Variants in TMEM65 observed in about 807,000 individuals in gnomAD.
The protein encoded by TMEM65 is transmembrane protein 65.
Under a neutral mutation model 25.4 loss-of-function variants are expected in TMEM65, and 22 were observed. The ratio of observed to expected loss-of-function variants is 0.86; its 90% CI spans 0.62 to 1.23. The LOEUF (loss-of-function observed/expected upper bound fraction) is 1.23. Ranked by LOEUF, TMEM65 falls within the 50% of genes most tolerant of loss-of-function variation. TMEM65 has a pLI of 0.00. For synonymous variants in TMEM65, 132 were observed against 126.2 expected, an observed-to-expected ratio of 1.05 and a Z score of -0.31; for missense variants, 262 against 308.2, an observed-to-expected ratio of 0.85 and a Z score of 1.12.
At chr8:124,369,925 A>G (rs963409303) in intron 1 of TMEM65, among the ~76,000 whole-genome samples, 4 of 152,078 alleles carry the variant, frequency 2.6e-5, no homozygotes, top group Admixed American at 1.3e-4. Context: ...GATGTTCTTT[A>G]GCATATAAAG....
chr8:124,346,701 T>C (rs1814644238), intron 1 of TMEM65, among the ~76,000 whole-genome samples: 1 of 152,144 alleles, frequency 6.6e-6, no homozygotes, highest in Admixed American at 6.6e-5. Flanking sequence ...CACCTAATAT[T>C]TATTCCAAAC....
chr8:124,372,416 A>C lies in TMEM65; in HGVS notation c.-259T>G. On this transcript the variant is annotated 5_prime_UTR_variant, in exon 1 of 7. Transcript: ENST00000297632. The stretch of plus-strand genomic sequence containing the variant: ...TTCTCTGAGACGGCCGGGCCCGGAC[A>C]GCGCCCGGAGAGGGCGGGCGGTCGG... 5.9e-6 allele frequency: 1 copy of C among 169,766 alleles called. No individual in the cohort carries two copies. The highest frequency in any genetic ancestry group is 1.2e-5 in the Non-Finnish European group (1 of 81,152). The allele number at this position is 169,766 out of a possible 1,614,324, so 10.5% of individuals were successfully genotyped here. A position where few individuals can be genotyped will look rare whatever the true frequency, so the allele number is the denominator to read the frequency against.
intron 1 of TMEM65, among the ~76,000 whole-genome samples, chr8:124,362,670 A>AAAAAAAAAAG (rs1814884133): frequency 6.6e-6 from 1 of 151,452 alleles, no homozygotes; most frequent in African/African-American, 2.4e-5. Flanking sequence ...CTCAAAAAAA[A>AAAAAAAAAAG]AAAATAGAAA....
intron 1 of TMEM65, among the ~76,000 whole-genome samples, chr8:124,352,986 G>T (rs1814731645): frequency 6.6e-6 from 1 of 152,094 alleles, no homozygotes; most frequent in South Asian, 2.1e-4. Flanking sequence ...AATTAGCCGG[G>T]CATGGTAGTG....
intron 1 of TMEM65, among the ~76,000 whole-genome samples, chr8:124,344,093 G>A (rs879258708): frequency 6.6e-6 from 1 of 152,170 alleles, no homozygotes; most frequent in Non-Finnish European, 1.5e-5. Context: ...ATAAGGAACT[G>A]CCTGTTGTGC....
intron 1 of TMEM65, among the ~76,000 whole-genome samples, chr8:124,354,238 T>C (rs1814748190): frequency 6.6e-6 from 1 of 152,138 alleles, no homozygotes; most frequent in African/African-American, 2.4e-5. Flanking sequence ...TGGATGGAAA[T>C]TAAAAATAGG....
chr8:124,320,000 A>T, intron 6 of TMEM65, 86 bp downstream of exon 6: 1 of 918,140 alleles, frequency 1.1e-6, no homozygotes, highest in Non-Finnish European at 1.6e-6. Flanking sequence ...AACCAATTTT[A>T]GTCTCAAATT....
intron 2 of TMEM65, among the ~76,000 whole-genome samples, chr8:124,329,142 G>T (rs1198778658): frequency 6.6e-6 from 1 of 151,878 alleles, no homozygotes; most frequent in East Asian, 1.9e-4. Flanking sequence ...AATATTATTT[G>T]TTATTAAAGG....
chr8:124,360,496 G>A (rs1814845955), intron 1 of TMEM65, among the ~76,000 whole-genome samples: 2 of 151,782 alleles, frequency 1.3e-5, no homozygotes, highest in African/African-American at 4.8e-5. Context: ...AGGAAGAGAG[G>A]GAGAACTGAG....
intron 1 of TMEM65, among the ~76,000 whole-genome samples, chr8:124,345,043 T>C (rs1373187328): frequency 6.6e-6 from 1 of 152,186 alleles, no homozygotes; most frequent in Non-Finnish European, 1.5e-5. Context: ...TAAATTAAAT[T>C]TGGCCTAGAG....
At chr8:124,336,939 G>C (rs1814515673) in intron 1 of TMEM65, among the ~76,000 whole-genome samples, 1 of 151,456 alleles carries the variant, frequency 6.6e-6, no homozygotes, top group African/African-American at 2.4e-5. Flanking sequence ...TGAAAGAAGG[G>C]GCATCATTAC....
intron 1 of TMEM65, among the ~76,000 whole-genome samples, chr8:124,333,786 T>A (rs1814466947): frequency 6.6e-6 from 1 of 152,186 alleles, no homozygotes; most frequent in Non-Finnish European, 1.5e-5. Context: ...GTTACCTGTT[T>A]GTTGCAGCTT....
rs574406686 is a variant in TMEM65 at position 124,355,952 on chromosome 8, T to C, written c.304+15902A>G. Among the ~76,000 whole-genome samples the C allele has an allele frequency of 5.9e-5, 9 of 152,240 alleles. No homozygotes were observed. In the South Asian group the frequency reaches 1.9e-3, roughly 32 times the overall value. ...AGTCCACACCTTCTTGCAGGTTCTG[T>C]TGCTAGAAATCACACCAGATACACA... On this transcript the variant is annotated intron_variant, in intron 1 of 6. Coordinates refer to ENST00000297632, the MANE Select transcript of TMEM65 (RefSeq NM_194291.3).
In TMEM65 at chr8:124,372,635, C is replaced by G. The variant is rs1263564682; in HGVS notation, c.-478G>C. On this transcript the variant is annotated 5_prime_UTR_variant, in exon 1 of 7. Transcript: ENST00000297632. ...CCCCACTCTGTAAGGTTCCCGAGCC[C>G]TCAAAGCAGCCGCGCTCCCGAGCCG... The G allele has an allele frequency of 6.2e-6, 1 of 162,282 alleles. No homozygotes were observed. The highest frequency in any genetic ancestry group is 2.4e-5 in the African/African-American group (1 of 41,164). The allele number at this position is 162,282 out of a possible 1,614,324, so 10.1% of individuals were successfully genotyped here.
At chr8:124,356,915 C>T (rs1814789486) in intron 1 of TMEM65, among the ~76,000 whole-genome samples, 1 of 152,080 alleles carries the variant, frequency 6.6e-6, no homozygotes, top group Admixed American at 6.6e-5. Context: ...ACCATGTTGT[C>T]CAGGCTGGTC....
rs374304220 is a variant in TMEM65 at position 124,314,012 on chromosome 8, A to G, written c.671T>C (p.Leu224Ser). 2 of 1,613,580 alleles carry G rather than the reference A, an allele frequency of 1.2e-6. No individual in the cohort carries two copies. The highest frequency in any genetic ancestry group is 1.7e-5 in the Admixed American group (1 of 59,984). ...TTCTTCACCTCCTCCAAAGAAAATT[A>G]AAGGAAACATTCCTAGAATGCAGCC... ...TIGCILGMFP[L>S]IFFGGGEEDE... The change falls in exon 7 of 7, where the codon TTA (leucine) becomes TCA (serine). Residue 224 changes from leucine (L) to serine (S), a missense_variant. Coordinates refer to ENST00000297632, the MANE Select transcript of TMEM65 (RefSeq NM_194291.3).
intron 6 of TMEM65, among the ~76,000 whole-genome samples, 191 bp from the exon 7 acceptor site, chr8:124,314,252 T>A (rs1814204602): frequency 6.6e-6 from 1 of 152,178 alleles, no homozygotes; most frequent in South Asian, 2.1e-4. Flanking sequence ...TAGCTTTGTT[T>A]TCTTCCTCAA....
chr8:124,372,100 G>T lies in TMEM65; in HGVS notation c.58C>A (p.Pro20Thr). The T allele has an allele frequency of 9.1e-7, 1 of 1,097,634 alleles. No homozygotes were observed. Among genetic ancestry groups the T allele is most frequent in the Admixed American group, 5.3e-5 (1 of 18,998 alleles). 68.0% of individuals were successfully genotyped at this position (1,097,634 alleles called of 1,614,324 possible). A position where few individuals can be genotyped will look rare whatever the true frequency, so the allele number is the denominator to read the frequency against. The change falls in exon 1 of 7, where the codon CCG becomes ACG. Residue 20 changes from proline to threonine, a missense_variant. Physicochemically the swap from Pro to Thr is conservative, Grantham distance 38. Transcript: ENST00000297632. ...GGGCGGGGCGCGGCGGCGGCGGCCG[G>T]GCCCGGCCTCAGGCTGCGCGCGGTC... ...SRTARSLRPG[P>T]AAAAAPRPPS...
intron 2 of TMEM65, among the ~76,000 whole-genome samples, chr8:124,329,865 A>G (rs1384531937): frequency 2.0e-5 from 3 of 151,942 alleles, no homozygotes; most frequent in African/African-American, 7.2e-5. Flanking sequence ...GTATGAATCT[A>G]AGGTGGGAGA....
Sources: allele counts gnomAD v4.1 joint callset (sites outside exome capture counted in the v4.1 genomes callset), GRCh38; gene constraint gnomAD v4.1.1; transcripts MANE v1.5; gene names NCBI Gene and HGNC (gene_info 2026-07-23, HGNC 2026-07-21).